Variants in SEPHS1 observed in about 807,000 individuals in gnomAD.
The protein encoded by SEPHS1 is zincore component SEPHS1.
A neutral mutation model predicts 39.2 loss-of-function variants in SEPHS1; 7 were observed. The observed-to-expected ratio is 0.18, with a 90% CI of 0.10 to 0.34. The LOEUF (loss-of-function observed/expected upper bound fraction) is 0.34. Among genes scored for constraint, SEPHS1 ranks in the 10% least tolerant of loss-of-function variants. SEPHS1 has a pLI of 1.00. For synonymous variants in SEPHS1, 190 were observed against 195.5 expected (o/e 0.97, Z 0.23); for missense variants, 253 against 514.5 (o/e 0.49, Z 4.92).
chr10:13,321,753 G>A (rs984735645), intron 8 of SEPHS1, among the ~76,000 whole-genome samples: 16 of 152,230 alleles, frequency 1.1e-4, no homozygotes, highest in African/African-American at 3.6e-4. Context: ...TGCGGGAGTG[G>A]GAATGAGCGA....
intron 3 of SEPHS1, 56 bp downstream of exon 3, chr10:13,338,649 C>T: frequency 2.1e-6 from 3 of 1,417,796 alleles, no homozygotes; most frequent in Non-Finnish European, 3.0e-6. Flanking sequence ...CCAGCCACAA[C>T]CCAAACCAAA....
rs1833010905 is a variant in SEPHS1, at chr10:13,318,562, T to C, written c.*580A>G. On this transcript the variant is annotated 3_prime_UTR_variant, in exon 9 of 9. Transcript: ENST00000327347. ...AAGTGTTTTCCATGCAATGAAGCACTTGCTGTGTTGAACTGAATGCACTAC... is the reference window on the plus strand; with the variant it reads ...AAGTGTTTTCCATGCAATGAAGCACCTGCTGTGTTGAACTGAATGCACTAC... The C allele has an allele frequency of 6.6e-6, 1 of 152,628 alleles. No homozygotes were observed. The highest frequency in any genetic ancestry group is 6.6e-5 in the Admixed American group (1 of 15,266). The allele number at this position is 152,628 out of a possible 1,614,324, so 9.5% of individuals were successfully genotyped here.
chr10:13,342,696 C>A (rs546753001), intron 2 of SEPHS1, among the ~76,000 whole-genome samples: 17 of 152,118 alleles, frequency 1.1e-4, no homozygotes, highest in African/African-American at 4.1e-4. Flanking sequence ...ACATACATGG[C>A]ACACCTACAC....
intron 2 of SEPHS1, among the ~76,000 whole-genome samples, chr10:13,341,108 C>T (rs1372422359): frequency 6.6e-6 from 1 of 152,040 alleles, no homozygotes; most frequent in Non-Finnish European, 1.5e-5. Context: ...ACGCATGTGG[C>T]TTGCATTGTA....
At position 13,318,912 on chromosome 10, in the gene SEPHS1, T is replaced by A. The variant is rs1833021056; in HGVS notation, c.*230A>T. ...ATGAATCAACAGTATTGGATAACAATATAATTCTCAACTCAGAAGCTGCCT... is the reference window on the plus strand; with the variant it reads ...ATGAATCAACAGTATTGGATAACAAAATAATTCTCAACTCAGAAGCTGCCT... On this transcript the variant is annotated 3_prime_UTR_variant, in exon 9 of 9. Transcript: ENST00000327347. 3.8e-6 allele frequency: 2 copies of A among 528,702 alleles called. No individual in the cohort carries two copies. The highest frequency in any genetic ancestry group is 6.8e-5 in the East Asian group (2 of 29,298). The allele number at this position is 528,702 out of a possible 1,614,324, so 32.8% of individuals were successfully genotyped here. A position where few individuals can be genotyped will look rare whatever the true frequency, so the allele number is the denominator to read the frequency against.
chr10:13,317,762 GTGC>G lies in SEPHS1; in HGVS notation c.*1377_*1379del, dbSNP rs1230864755. 2 of 152,234 alleles carry G rather than the reference GTGC, an allele frequency of 1.3e-5. No homozygotes were observed. Among genetic ancestry groups the G allele is most frequent in the Non-Finnish European group, 2.9e-5 (2 of 68,056 alleles). The allele number at this position is 152,234 out of a possible 1,614,324, so 9.4% of individuals were successfully genotyped here. ...AGAAAGCACCAGAAATGGGCAGGATGTGCTGCTTTTTCTCTCACGAAGATGGGC... is the reference window on the plus strand; with the variant it reads ...AGAAAGCACCAGAAATGGGCAGGATGTGCTTTTTCTCTCACGAAGATGGGC... On this transcript the variant is annotated 3_prime_UTR_variant, in exon 9 of 9. Coordinates refer to ENST00000327347, the MANE Select transcript of SEPHS1 (RefSeq NM_012247.5).
chr10:13,320,340 C>A (rs917778615), intron 8 of SEPHS1, among the ~76,000 whole-genome samples: 5 of 151,934 alleles, frequency 3.3e-5, no homozygotes, highest in Admixed American at 6.5e-5. Flanking sequence ...CGCCACCACA[C>A]CCGGCTAATT....
chr10:13,344,239 T>C (rs1168627967), intron 2 of SEPHS1, among the ~76,000 whole-genome samples: 1 of 152,152 alleles, frequency 6.6e-6, no homozygotes, highest in Non-Finnish European at 1.5e-5. Flanking sequence ...CCGCCTTTCC[T>C]AGGGCAATGA....
chr10:13,321,759 A>G (rs74975970), intron 8 of SEPHS1, among the ~76,000 whole-genome samples: 5,312 of 152,306 alleles, frequency 0.035, 135 homozygotes, highest in East Asian at 0.081. Flanking sequence ...AGTGGGAATG[A>G]GCGATGGCGA....
chr10:13,323,154 A>G (rs1833165285), intron 7 of SEPHS1, 107 bp from the exon 8 acceptor site: 3 of 874,540 alleles, frequency 3.4e-6, no homozygotes, highest in Non-Finnish European at 5.5e-6. Context: ...GAGATGACGT[A>G]TCGGAATAAT....
rs1379277165 is a variant in SEPHS1 at position 13,317,644 on chromosome 10, G to A, written c.*1498C>T. On this transcript the variant is annotated 3_prime_UTR_variant, in exon 9 of 9. Coordinates refer to ENST00000327347, the MANE Select transcript of SEPHS1 (RefSeq NM_012247.5). Reference sequence around the variant, plus strand: ...CTGGTTCCTGGAGGAGGGCGCGTCCGAGTTAAAGCCTCTTCCAGGAGCTTG... The same window carrying A: ...CTGGTTCCTGGAGGAGGGCGCGTCCAAGTTAAAGCCTCTTCCAGGAGCTTG... The A allele has an allele frequency of 2.6e-5, 4 of 152,170 alleles. No individual in the cohort carries two copies. Among genetic ancestry groups the A allele is most frequent in the East Asian group, 3.8e-4 (2 of 5,196 alleles). The allele number at this position is 152,170 out of a possible 1,614,324, so 9.4% of individuals were successfully genotyped here.
Position 13,333,914 on chromosome 10 carries a change from C to T in SEPHS1, c.463G>A (p.Ala155Thr), listed in dbSNP as rs1833546291. 6.2e-7 allele frequency: 1 copy of T among 1,613,692 alleles called. No homozygotes were observed. The highest frequency in any genetic ancestry group is 1.7e-5 in the Admixed American group (1 of 59,988). ...TGGCCGCCTGTTACAGATGTTCCTG[C>T]TTCCTCAGCTGCGTCTTTAAAACCT... The part of the protein sequence containing the change: ...IQGFKDAAEE[A>T]GTSVTGGQTV... Residue 155 changes from alanine (A) to threonine (T), a missense_variant, in exon 5 of 9, where the codon GCA becomes ACA. Physicochemically the swap from Ala to Thr is moderately conservative, Grantham distance 58. Transcript: ENST00000327347.
At chr10:13,324,137 T>A (rs1833192797) in intron 7 of SEPHS1, among the ~76,000 whole-genome samples, 1 of 152,236 alleles carries the variant, frequency 6.6e-6, no homozygotes. Flanking sequence ...TTTCTGCATC[T>A]CTACAGTTTT....
chr10:13,337,538 T>C (rs1456974125), intron 3 of SEPHS1, among the ~76,000 whole-genome samples: 1 of 152,252 alleles, frequency 6.6e-6, no homozygotes, highest in East Asian at 1.9e-4. Flanking sequence ...TTCTTATACA[T>C]TCCTGGAGGT....
chr10:13,324,065 C>T (rs1314626259), intron 7 of SEPHS1, among the ~76,000 whole-genome samples: 4 of 152,180 alleles, frequency 2.6e-5, no homozygotes, highest in African/African-American at 9.7e-5. Flanking sequence ...AGTAACAAAT[C>T]CTCAGTGCTC....
chr10:13,322,304 G>A (rs557036851), intron 8 of SEPHS1, among the ~76,000 whole-genome samples: 40 of 151,924 alleles, frequency 2.6e-4, no homozygotes, highest in South Asian at 8.3e-4. Flanking sequence ...ACCACGCCCA[G>A]CTACTTTTTT....
At chr10:13,343,296 G>A (rs542596195) in intron 2 of SEPHS1, among the ~76,000 whole-genome samples, 5 of 152,010 alleles carry the variant, frequency 3.3e-5, no homozygotes, top group South Asian at 2.1e-4. Context: ...AACCCAGCTC[G>A]CTCACATGGT....
In SEPHS1 at chr10:13,333,803, A is replaced by G. The variant is rs1048032585; in HGVS notation, c.560+14T>C. ...AAAAACAGGTCAGGTGATATGAAAC[A>G]AAAATCAACTTACATGATAAATTCA... On this transcript the variant is annotated intron_variant, in intron 5 of 8. Transcript: ENST00000327347. The G allele has an allele frequency of 6.2e-7, 1 of 1,611,792 alleles. No homozygotes were observed. The highest frequency in any genetic ancestry group is 8.5e-7 in the Non-Finnish European group (1 of 1,179,456).
intron 1 of SEPHS1, among the ~76,000 whole-genome samples, chr10:13,346,718 G>GA (rs911406418): frequency 4.9e-4 from 71 of 146,054 alleles, no homozygotes; most frequent in East Asian, 3.0e-3. Context: ...CCCCTACCAG[G>GA]AAAAAAAAAA....
Sources: gnomAD v4.1 joint callset for allele counts (sites outside exome capture counted in the v4.1 genomes callset) on GRCh38, gnomAD v4.1.1 for gene constraint, MANE v1.5 for transcripts, NCBI Gene and HGNC (gene_info 2026-07-23, HGNC 2026-07-21) for gene names.